Variants in SEL1L3 observed in about 807,000 individuals in gnomAD.
The protein encoded by SEL1L3 is SEL1L family member 3, also known as protein sel-1 homolog 3.
Under a neutral mutation model 142.8 loss-of-function variants are expected in SEL1L3, and 76 were observed. The observed-to-expected ratio is 0.53, with a 90% CI of 0.44 to 0.64. The LOEUF (loss-of-function observed/expected upper bound fraction) is 0.64. SEL1L3 is among the 30% of genes least tolerant of loss of function. The pLI is 0.00. For synonymous variants in SEL1L3, 504 were observed against 519.6 expected, an observed-to-expected ratio of 0.97 and a Z score of 0.41; for missense variants, 1,262 against 1,381.7, an observed-to-expected ratio of 0.91 and a Z score of 1.37.
intron 19 of SEL1L3, 97 bp from the exon 20 acceptor site, chr4:25,765,532 A>G (rs137936529): frequency 1.0e-4 from 79 of 756,030 alleles, no homozygotes; most frequent in African/African-American, 5.0e-4. Flanking sequence ...AGTTTTTCCT[A>G]TTAGTATCTG....
chr4:25,739,844 A>T, the SEL1L3 span, among the ~76,000 whole-genome samples: 1 of 152,096 alleles, frequency 6.6e-6, no homozygotes, highest in Admixed American at 6.5e-5. Context: ...ACACATGTAC[A>T]TATGTAGTAT....
chr4:25,719,208 T>A, the SEL1L3 span: 1 of 152,040 alleles, frequency 6.6e-6, no homozygotes, highest in Non-Finnish European at 1.5e-5. Flanking sequence ...AAGAAAAGTA[T>A]TATTACTAGC....
chr4:25,770,960 G>A (rs902043060), intron 17 of SEL1L3, among the ~76,000 whole-genome samples: 5 of 152,114 alleles, frequency 3.3e-5, no homozygotes, highest in Non-Finnish European at 5.9e-5. Context: ...CAGAAACCCT[G>A]TCCACATTTA....
chr4:25,841,226 C>G (rs1415037263), intron 2 of SEL1L3, among the ~76,000 whole-genome samples: 5 of 152,032 alleles, frequency 3.3e-5, no homozygotes, highest in Admixed American at 3.3e-4. Context: ...TAGAGATGGG[C>G]TTTCACCATG....
chr4:25,751,903 A>G (rs1327551588), intron 23 of SEL1L3, among the ~76,000 whole-genome samples: 1 of 151,360 alleles, frequency 6.6e-6, no homozygotes, highest in Non-Finnish European at 1.5e-5. Context: ...GAGGACATGA[A>G]TTGGAGACCA....
At position 25,776,310 on chromosome 4, in the gene SEL1L3, C is replaced by T. The variant is rs371537785; in HGVS notation, c.2636G>A (p.Arg879His). ...TTCCAGGTAGGCATTGAGGCCTTTG[C>T]GGATGACATGGCCCAAGTAGCCATT... is the stretch of plus-strand genomic sequence containing the variant. ...EKNGYLGHVI[R>H]KGLNAYLEGS... Residue 879 changes from arginine (R) to histidine (H), a missense_variant, in exon 17 of 24, where the codon CGC (arginine) becomes CAC (histidine). Arg to His is a conservative substitution (Grantham distance 29). Transcript: ENST00000399878. The T allele has an allele frequency of 9.3e-6, 15 of 1,612,316 alleles. No individual in the cohort carries two copies. Among genetic ancestry groups the T allele is most frequent in the South Asian group, 4.4e-5 (4 of 90,986 alleles).
chr4:25,862,761 G>T lies in SEL1L3; in HGVS notation c.76C>A (p.Arg26=). ...CCACTCGGGACCATGGCTGCGGCCC[G>T]GGGGCCGACCGCGAGCGGCGGGGGT... ...QQPPPLAVGP[R]AAAMVPSGGV... The change falls in exon 1 of 24, where the codon CGG becomes AGG. Residue 26 remains arginine, a synonymous_variant. Transcript: ENST00000399878. 2 of 1,208,028 alleles carry T rather than the reference G, an allele frequency of 1.7e-6. No individual in the cohort carries two copies. Among genetic ancestry groups the T allele is most frequent in the Non-Finnish European group, 2.1e-6 (2 of 973,610 alleles). The allele number at this position is 1,208,028 out of a possible 1,614,324, so 74.8% of individuals were successfully genotyped here.
intron 1 of SEL1L3, among the ~76,000 whole-genome samples, chr4:25,862,359 G>A (rs954223253): frequency 2.0e-5 from 3 of 152,004 alleles, no homozygotes; most frequent in African/African-American, 4.8e-5. Flanking sequence ...AGCGAACTCC[G>A]GGCGGCGAGG....
Position 25,818,123 on chromosome 4 carries a change from CAA to C in SEL1L3, c.1564+13_1564+14del, listed in dbSNP as rs1459719159. On this transcript the variant is annotated intron_variant, in intron 9 of 23. Coordinates refer to ENST00000399878, the MANE Select transcript of SEL1L3 (RefSeq NM_015187.5). Reference sequence around the variant, plus strand: ...TTCTAACCAGCGCCTAAAGCCGAGGCAAAGACTCAATTACCGGTCAGCAGATC... The same window carrying C: ...TTCTAACCAGCGCCTAAAGCCGAGGCAGACTCAATTACCGGTCAGCAGATC... The C allele has an allele frequency of 1.2e-6, 2 of 1,609,264 alleles. No individual in the cohort carries two copies. Among genetic ancestry groups the C allele is most frequent in the Non-Finnish European group, 1.7e-6 (2 of 1,177,878 alleles).
chr4:25,757,699 G>C lies in SEL1L3; in HGVS notation c.3175C>G (p.His1059Asp). 1 of 1,592,138 alleles carries C rather than the reference G, an allele frequency of 6.3e-7. No homozygotes were observed. Among genetic ancestry groups the C allele is most frequent in the Middle Eastern group, 1.7e-4 (1 of 6,022 alleles). The change falls in exon 22 of 24, where the codon CAC (histidine) becomes GAC (aspartate). Residue 1059 changes from histidine (H) to aspartate (D), a missense_variant. By Grantham distance (81) the His-to-Asp change is moderately conservative. Coordinates refer to ENST00000399878, the MANE Select transcript of SEL1L3 (RefSeq NM_015187.5). ...HLRLLWGAIL[H>D]SALIYFLGTF... ...GACATGAAACCTACCAGGGCTGAGTGCAGGATAGCACCCCAGAGAAGCCGC... is the reference window on the plus strand; with the variant it reads ...GACATGAAACCTACCAGGGCTGAGTCCAGGATAGCACCCCAGAGAAGCCGC...
At chr4:25,802,149 A>C in intron 11 of SEL1L3, 134 bp downstream of exon 11, 1 of 745,412 alleles carries the variant, frequency 1.3e-6, no homozygotes, top group Non-Finnish European at 2.2e-6. Flanking sequence ...TGGAGAGCGC[A>C]AGACAGCTCC....
chr4:25,770,885 G>A (rs973387672), intron 17 of SEL1L3, among the ~76,000 whole-genome samples: 9 of 152,298 alleles, frequency 5.9e-5, no homozygotes, highest in South Asian at 2.1e-4. Flanking sequence ...TGAGCTCTAG[G>A]TGGGGGCTAG....
At chr4:25,835,100 A>G in intron 3 of SEL1L3, 97 bp downstream of exon 3, 8 of 1,447,032 alleles carry the variant, frequency 5.5e-6, no homozygotes, top group Non-Finnish European at 7.5e-6. Context: ...CTTACCAAGA[A>G]GGTGTGTCTT....
At position 25,776,280 on chromosome 4, in the gene SEL1L3, G is replaced by C; in HGVS notation, c.2666C>G (p.Ser889Ter). Residue 889 changes from serine to a stop codon, truncating the protein, a stop_gained, in exon 17 of 24, where the codon TCA becomes TGA. Coordinates refer to ENST00000399878, the MANE Select transcript of SEL1L3 (RefSeq NM_015187.5). LOFTEE classifies it high-confidence loss of function. Reference protein sequence around the residue: ...RKGLNAYLEGSWHEALLYYVL... With the variant: ...RKGLNAYLEG ...CTAACGTGGATCCCAAGCTTACCAT[G>C]AACCTTCCAGGTAGGCATTGAGGCC... is the stretch of plus-strand genomic sequence containing the variant. The C allele has an allele frequency of 6.2e-7, 1 of 1,608,966 alleles. No individual in the cohort carries two copies. The highest frequency in any genetic ancestry group is 1.3e-5 in the African/African-American group (1 of 74,836).
At chr4:25,861,172 G>C (rs185502507) in intron 1 of SEL1L3, among the ~76,000 whole-genome samples, 2 of 152,300 alleles carry the variant, frequency 1.3e-5, no homozygotes, top group Non-Finnish European at 2.9e-5. Context: ...TGTGTACAGG[G>C]ATCATCTGTT....
rs148858254 is a variant in SEL1L3, at chr4:25,844,125, C to T, written c.733+3169G>A. Among the ~76,000 whole-genome samples the T allele has an allele frequency of 2.1e-3, 327 of 152,352 alleles. 2 individuals carry two copies. The highest frequency in any genetic ancestry group is 7.5e-3 in the African/African-American group (312 of 41,574). ...ACAGGGACCATACATGACAGGCCCC[C>T]TGTGGCTCAGCTCGGAGCCTCACTA... On this transcript the variant is annotated intron_variant, in intron 2 of 23. Coordinates refer to ENST00000399878, the MANE Select transcript of SEL1L3 (RefSeq NM_015187.5).
rs145840806 is a variant in SEL1L3, at chr4:25,804,778, A to T, written c.1565-26T>A. 1.4e-4 allele frequency: 204 copies of T among 1,492,942 alleles called. No individual in the cohort carries two copies. The East Asian group carries it at 4.4e-3, about 32-fold the overall frequency. The allele number at this position is 1,492,942 out of a possible 1,614,324, so 92.5% of individuals were successfully genotyped here. ...CTGTAAATAACACAATTCAGAGCAC[A>T]CACAATTAATTACCATGGGATCGAT... On this transcript the variant is annotated intron_variant, in intron 9 of 23. Transcript: ENST00000399878.
At chr4:25,829,735 A>G (rs905856621) in intron 6 of SEL1L3, among the ~76,000 whole-genome samples, 1 of 152,222 alleles carries the variant, frequency 6.6e-6, no homozygotes, top group Non-Finnish European at 1.5e-5. Context: ...TATGAGGCCA[A>G]AGTTACCAAC....
chr4:25,744,804 G>A (rs988683523), downstream of SEL1L3, among the ~76,000 whole-genome samples: 5 of 152,160 alleles, frequency 3.3e-5, no homozygotes, highest in South Asian at 2.1e-4. Context: ...ACAGACACAC[G>A]CAGAAGAGAC....
Sources: allele counts gnomAD v4.1 joint callset (sites outside exome capture counted in the v4.1 genomes callset), GRCh38; gene constraint gnomAD v4.1.1; transcripts MANE v1.5; gene names NCBI Gene and HGNC (gene_info 2026-07-23, HGNC 2026-07-21).